Variants in BACH2 observed in about 807,000 individuals in gnomAD.
BACH2 encodes the protein BACH transcriptional regulator 2, also known as transcription regulator protein BACH2.
BACH2 carries 5 observed loss-of-function variants against 61.8 expected under a neutral mutation model. The observed-to-expected ratio is 0.08, with a 90% CI of 0.04 to 0.17. The LOEUF (loss-of-function observed/expected upper bound fraction) is 0.17. BACH2 is among the 10% of genes least tolerant of loss of function. The pLI is 1.00. For synonymous variants in BACH2, 446 were observed against 440.1 expected (o/e 1.01, Z -0.17); for missense variants, 824 against 1,091.1 (o/e 0.76, Z 3.45).
At chr6:90,191,568 T>G (rs1429662295) in intron 4 of BACH2, among the ~76,000 whole-genome samples, 2 of 152,240 alleles carry the variant, frequency 1.3e-5, no homozygotes, top group Non-Finnish European at 2.9e-5. Context: ...GAAACGTGCA[T>G]GGATTTTGGA....
At chr6:90,240,656 T>G (rs905289187) in intron 3 of BACH2, among the ~76,000 whole-genome samples, 1 of 152,170 alleles carries the variant, frequency 6.6e-6, no homozygotes, top group African/African-American at 2.4e-5. Context: ...AAATGGACTT[T>G]AAAAATGATG....
chr6:90,113,750 A>T lies in BACH2; in HGVS notation c.-161-24641T>A, dbSNP rs990786245. Among the ~76,000 whole-genome samples the T allele has an allele frequency of 7.9e-5, 12 of 152,008 alleles. No homozygotes were observed. In the East Asian group the frequency reaches 1.7e-3, roughly 22 times the overall value. On this transcript the variant is annotated intron_variant, in intron 4 of 8. Transcript: ENST00000257749. Reference sequence around the variant, plus strand: ...TCAATGAATCCAGGATTTTTTTTTTAAATTAATCAAATGGATAGGCCATCA... The same window carrying T: ...TCAATGAATCCAGGATTTTTTTTTTTAATTAATCAAATGGATAGGCCATCA...
intron 4 of BACH2, among the ~76,000 whole-genome samples, chr6:90,201,299 T>C (rs1768948462): frequency 6.6e-6 from 1 of 152,218 alleles, no homozygotes; most frequent in African/African-American, 2.4e-5. Context: ...TGTTCTTTCA[T>C]TAACTGTGTA....
intron 5 of BACH2, among the ~76,000 whole-genome samples, chr6:90,056,393 A>G (rs1311648663): frequency 4.6e-5 from 7 of 152,196 alleles, no homozygotes. Context: ...ACATAATGGT[A>G]AAGGGATCAA....
At chr6:90,207,335 T>C (rs1337536335) in intron 3 of BACH2, among the ~76,000 whole-genome samples, 2 of 152,148 alleles carry the variant, frequency 1.3e-5, no homozygotes, top group Non-Finnish European at 2.9e-5. Flanking sequence ...CCCAAGCTGG[T>C]CTCAAACTCC....
At chr6:90,013,385 G>A (rs1777828507) in intron 5 of BACH2, among the ~76,000 whole-genome samples, 1 of 152,056 alleles carries the variant, frequency 6.6e-6, no homozygotes, top group South Asian at 2.1e-4. Flanking sequence ...TTTGTATGAC[G>A]TTAGCTATAG....
At chr6:90,179,420 A>G (rs1336541558) in intron 4 of BACH2, among the ~76,000 whole-genome samples, 1 of 152,230 alleles carries the variant, frequency 6.6e-6, no homozygotes, top group Non-Finnish European at 1.5e-5. Flanking sequence ...TCCTGGTGGC[A>G]TAACCAAAGG....
At chr6:90,282,081 T>A (rs1771873735) in intron 1 of BACH2, among the ~76,000 whole-genome samples, 1 of 152,234 alleles carries the variant, frequency 6.6e-6, no homozygotes, top group African/African-American at 2.4e-5. Context: ...CTGATTCGAT[T>A]CAATGTTGAT....
intron 4 of BACH2, among the ~76,000 whole-genome samples, chr6:90,096,669 C>T (rs1782393061): frequency 6.6e-6 from 1 of 152,200 alleles, no homozygotes; most frequent in Non-Finnish European, 1.5e-5. Flanking sequence ...CCCTGGGGAT[C>T]TGCCTTTGCC....
chr6:89,972,192 G>A (rs1308864079), intron 6 of BACH2, among the ~76,000 whole-genome samples: 4 of 152,170 alleles, frequency 2.6e-5, no homozygotes. Flanking sequence ...GTCCGCCGCC[G>A]AGGCTGGCCC....
chr6:90,056,345 TAAAC>T (rs890906414), intron 5 of BACH2, among the ~76,000 whole-genome samples: 10 of 152,052 alleles, frequency 6.6e-5, no homozygotes, highest in African/African-American at 2.4e-4. Context: ...AAACAGACTT[TAAAC>T]AAACAAAGAT....
chr6:90,104,769 G>A (rs1782825641), intron 4 of BACH2, among the ~76,000 whole-genome samples: 1 of 152,224 alleles, frequency 6.6e-6, no homozygotes, highest in Non-Finnish European at 1.5e-5. Context: ...TCTTGGACAT[G>A]TGGGCTGGGG....
At chr6:90,170,695 TCTAA>T (rs1267233100) in intron 4 of BACH2, among the ~76,000 whole-genome samples, 14 of 152,304 alleles carry the variant, frequency 9.2e-5, no homozygotes, top group Admixed American at 3.9e-4. Context: ...ATGGCAAGGA[TCTAA>T]CTAATTTACT....
chr6:89,989,124 G>A (rs186529427), intron 6 of BACH2, among the ~76,000 whole-genome samples: 6 of 152,326 alleles, frequency 3.9e-5, no homozygotes, highest in Admixed American at 2.0e-4. Flanking sequence ...CCAAGATGGA[G>A]CAAGAAAGAA....
intron 4 of BACH2, among the ~76,000 whole-genome samples, chr6:90,196,420 T>C (rs1257172625): frequency 6.6e-6 from 1 of 152,192 alleles, no homozygotes; most frequent in Non-Finnish European, 1.5e-5. Context: ...CTAATGTGCC[T>C]TTGGGGAAAT....
At chr6:90,203,453 A>G (rs1769027448) in intron 4 of BACH2, among the ~76,000 whole-genome samples, 2 of 151,882 alleles carry the variant, frequency 1.3e-5, no homozygotes, top group South Asian at 4.2e-4. Context: ...TGATCAACAT[A>G]AAGATTGGAA....
At chr6:89,969,600 T>C (rs1267907029) in intron 6 of BACH2, among the ~76,000 whole-genome samples, 4 of 152,168 alleles carry the variant, frequency 2.6e-5, no homozygotes, top group African/African-American at 4.8e-5. Context: ...GACCCTGACC[T>C]TGGCAGCCTC....
intron 3 of BACH2, among the ~76,000 whole-genome samples, chr6:90,240,161 G>T (rs1770397436): frequency 6.6e-6 from 1 of 151,852 alleles, no homozygotes; most frequent in Non-Finnish European, 1.5e-5. Context: ...TCATCTACTA[G>T]GTCAAAAAAA....
chr6:90,247,218 A>G (rs1310810944), intron 3 of BACH2, among the ~76,000 whole-genome samples: 2 of 152,068 alleles, frequency 1.3e-5, no homozygotes, highest in Non-Finnish European at 2.9e-5. Flanking sequence ...AATATATTTA[A>G]ACAAGTATCA....
Sources: allele counts gnomAD v4.1 joint callset (sites outside exome capture counted in the v4.1 genomes callset), GRCh38; gene constraint gnomAD v4.1.1; transcripts MANE v1.5; gene names NCBI Gene and HGNC (gene_info 2026-07-23, HGNC 2026-07-21).